The following RFX7 variants were observed in gnomAD, a reference collection of about 807,000 sequenced individuals.
The protein encoded by RFX7 is regulatory factor X7.
In RFX7, 26 loss-of-function variants were observed where a neutral mutation model predicts 111.8. The observed-to-expected ratio is 0.23, with a 90% CI of 0.17 to 0.32. The LOEUF is 0.32. RFX7 is among the 10% of genes least tolerant of loss of function. The probability of loss-of-function intolerance (pLI) is 1.00; values close to 1 mark genes in which losing one functional copy is unlikely to be tolerated. For missense variants in RFX7, 1,573 were observed against 1,772.9 expected (o/e 0.89, Z 2.02); for synonymous variants, 624 against 624.4 (o/e 1.00, Z 0.01).
chr15:56,169,362 G>C (rs1313891811), intron 3 of RFX7, among the ~76,000 whole-genome samples: 1 of 152,166 alleles, frequency 6.6e-6, no homozygotes, highest in East Asian at 1.9e-4. Context: ...CTGTGATGAT[G>C]AACATAAAAT....
In RFX7 at chr15:56,093,677, T is replaced by C. The variant is rs1387787970; in HGVS notation, c.4051A>G (p.Lys1351Glu). 1.2e-6 allele frequency: 2 copies of C among 1,613,820 alleles called. No individual in the cohort carries two copies. Among genetic ancestry groups the C allele is most frequent in the African/African-American group, 2.7e-5 (2 of 74,940 alleles). Residue 1351 changes from lysine to glutamate, a missense_variant, in exon 10 of 10, where the codon AAA becomes GAA. Physicochemically the swap from Lys to Glu is moderately conservative, Grantham distance 56. This residue lies in a region of RFX7 where 411 missense variants were observed against 478.1 expected (regional missense o/e 0.86). Transcript: ENST00000559447. ...EQQLDFNSTVKDLLSGDSLQT... is the reference protein window; with the variant it reads ...EQQLDFNSTVEDLLSGDSLQT... Reference sequence around the variant, plus strand: ...AAGCTGTCTCCACTCAACAGGTCTTTAACAGTGCTATTGAAATCTAATTGT... The same window carrying C: ...AAGCTGTCTCCACTCAACAGGTCTTCAACAGTGCTATTGAAATCTAATTGT...
chr15:56,099,678 G>T (rs1271304423), intron 8 of RFX7, among the ~76,000 whole-genome samples: 1 of 151,888 alleles, frequency 6.6e-6, no homozygotes, highest in Non-Finnish European at 1.5e-5. Context: ...GTCTACTATC[G>T]AAGGTCTTTT....
At chr15:56,239,208 T>C (rs1300552582) in intron 2 of RFX7, among the ~76,000 whole-genome samples, 1 of 152,142 alleles carries the variant, frequency 6.6e-6, no homozygotes, top group Non-Finnish European at 1.5e-5. Flanking sequence ...GTAACCCAAG[T>C]CTAAACAAGA....
chr15:56,126,811 A>T (rs2042151540), intron 5 of RFX7, among the ~76,000 whole-genome samples: 1 of 152,208 alleles, frequency 6.6e-6, no homozygotes, highest in African/African-American at 2.4e-5. Context: ...GAAATGGTCA[A>T]TCCACCAAGA....
chr15:56,148,850 G>T (rs531171683), intron 3 of RFX7, among the ~76,000 whole-genome samples: 1 of 152,260 alleles, frequency 6.6e-6, no homozygotes, highest in East Asian at 1.9e-4. Context: ...GGGAGGCTGA[G>T]GTGGGCGGAT....
intron 9 of RFX7, 57 bp from the exon 10 acceptor site, chr15:56,096,677 C>A: frequency 1.4e-6 from 2 of 1,463,774 alleles, no homozygotes; most frequent in South Asian, 2.7e-5. Context: ...AATAGTAATT[C>A]ATGTATCTGT....
rs2041658859 is a variant in RFX7 at position 56,095,349 on chromosome 15, A to T, written c.2379T>A (p.Ser793=). Reference sequence around the variant, plus strand: ...TATCTTGCTGTTGTTCACAACTGGCAGATATAAACTCAGAATCTTTAGTGA... The same window carrying T: ...TATCTTGCTGTTGTTCACAACTGGCTGATATAAACTCAGAATCTTTAGTGA... ...QQITKDSEFI[S]ASCEQQQDIS... is the part of the protein sequence containing the mutation. The change falls in exon 10 of 10, where the codon TCT becomes TCA. Residue 793 remains serine (S), a synonymous_variant. Transcript: ENST00000559447. The T allele has an allele frequency of 6.2e-7, 1 of 1,613,822 alleles. No homozygotes were observed. Among genetic ancestry groups the T allele is most frequent in the Non-Finnish European group, 8.5e-7 (1 of 1,179,882 alleles).
chr15:56,196,673 C>A (rs1205929922), intron 2 of RFX7, among the ~76,000 whole-genome samples: 1 of 152,008 alleles, frequency 6.6e-6, no homozygotes, highest in East Asian at 1.9e-4. Flanking sequence ...GACCTCAAGC[C>A]ACCAGAACTG....
rs147998056 is a variant in RFX7, at chr15:56,152,824, A to G, written c.196-8341T>C. On this transcript the variant is annotated intron_variant, in intron 3 of 9. Transcript: ENST00000559447. ...AATAGACCACTAGCCAGACTAATAA[A>G]GAAGAAATGAGAGAAGAGTCAAATA... is the stretch of plus-strand genomic sequence containing the variant. 8.1e-3 allele frequency among the ~76,000 whole-genome samples: 1,237 copies of G among 152,194 alleles called. 12 individuals are homozygous for G. The highest frequency in any genetic ancestry group is 0.028 in the African/African-American group (1,182 of 41,540).
intron 9 of RFX7, among the ~76,000 whole-genome samples, chr15:56,097,002 T>C (rs1209282340): frequency 1.3e-5 from 2 of 152,180 alleles, no homozygotes; most frequent in East Asian, 3.8e-4. Flanking sequence ...GGCTCACTCA[T>C]AGGGGAAACT....
chr15:56,174,318 A>C (rs943890498), intron 3 of RFX7, among the ~76,000 whole-genome samples: 3 of 152,224 alleles, frequency 2.0e-5, no homozygotes, highest in African/African-American at 2.4e-5. Flanking sequence ...AACTGAAAAA[A>C]ATATAAGATC....
chr15:56,174,601 G>C (rs2042882774), intron 3 of RFX7, among the ~76,000 whole-genome samples: 1 of 151,950 alleles, frequency 6.6e-6, no homozygotes, highest in Admixed American at 6.6e-5. Context: ...ACAAAAATTA[G>C]TTGGACACGG....
chr15:56,140,820 A>C (rs1021542996), intron 5 of RFX7, among the ~76,000 whole-genome samples: 1 of 152,224 alleles, frequency 6.6e-6, no homozygotes, highest in Non-Finnish European at 1.5e-5. Context: ...TTCAAGGAAA[A>C]ATTCAAATAT....
At chr15:56,137,413 G>A (rs1178128325) in intron 5 of RFX7, among the ~76,000 whole-genome samples, 2 of 152,244 alleles carry the variant, frequency 1.3e-5, no homozygotes, top group African/African-American at 2.4e-5. Context: ...AGAGGTGTTT[G>A]TAGTATTCTC....
chr15:56,101,610 G>A, intron 7 of RFX7, 44 bp from the exon 8 acceptor site: 1 of 1,494,584 alleles, frequency 6.7e-7, no homozygotes, highest in Non-Finnish European at 9.3e-7. Flanking sequence ...AAAGACCAGA[G>A]AAATTAAATT....
intron 2 of RFX7, among the ~76,000 whole-genome samples, chr15:56,209,958 T>C (rs1259350733): frequency 1.3e-5 from 2 of 150,534 alleles, no homozygotes; most frequent in Admixed American, 1.3e-4. Context: ...ATAACAAATA[T>C]GATAAATATT....
intron 2 of RFX7, among the ~76,000 whole-genome samples, chr15:56,188,666 T>C (rs2043066750): frequency 6.6e-6 from 1 of 152,160 alleles, no homozygotes; most frequent in Non-Finnish European, 1.5e-5. Context: ...AGAAAATCCT[T>C]ATTACAAATC....
At chr15:56,110,389 C>A (rs1440360026) in intron 5 of RFX7, among the ~76,000 whole-genome samples, 2 of 121,062 alleles carry the variant, frequency 1.7e-5, no homozygotes, top group African/African-American at 3.0e-5. Context: ...CAGCCCCCCG[C>A]CCGGCCAGCC....
chr15:56,220,970 T>C (rs2043421012), intron 2 of RFX7, among the ~76,000 whole-genome samples: 1 of 152,206 alleles, frequency 6.6e-6, no homozygotes, highest in South Asian at 2.1e-4. Flanking sequence ...GTAGACTTTG[T>C]CAAAGATCAG....
Sources: allele counts gnomAD v4.1 joint callset (sites outside exome capture counted in the v4.1 genomes callset), GRCh38; gene constraint gnomAD v4.1.1; regional missense constraint gnomAD v4.1.1; transcripts MANE v1.5; gene names NCBI Gene and HGNC (gene_info 2026-07-23, HGNC 2026-07-21).